CTDP1: variants seen among roughly 807,000 people sequenced by gnomAD.
CTDP1 encodes CTD phosphatase 1.
CTDP1 carries 47 observed loss-of-function variants against 91.8 expected under a neutral mutation model. The ratio of observed to expected loss-of-function variants is 0.51; its 90% CI spans 0.41 to 0.65. The LOEUF is 0.65. Ranked by LOEUF, CTDP1 falls within the 30% of genes least tolerant of loss-of-function variation. The pLI is 0.00. For missense variants in CTDP1, 1,272 were observed against 1,373.7 expected (o/e 0.93, Z 1.17); for synonymous variants, 656 against 598.5 (o/e 1.10, Z -1.40).
intron 1 of CTDP1, among the ~76,000 whole-genome samples, chr18:79,689,058 C>T (rs1271149993): frequency 2.0e-5 from 3 of 152,182 alleles, no homozygotes; most frequent in South Asian, 2.1e-4. Flanking sequence ...AAAACAAAGA[C>T]GTGCTCTTAC....
chr18:79,743,270 A>C (rs2086815046), intron 12 of CTDP1, among the ~76,000 whole-genome samples: 1 of 151,854 alleles, frequency 6.6e-6, no homozygotes, highest in Admixed American at 6.6e-5. Flanking sequence ...TCATGCTTGT[A>C]ATCCCAGCAC....
intron 11 of CTDP1, among the ~76,000 whole-genome samples, chr18:79,732,698 A>C (rs1018789832): frequency 2.6e-5 from 4 of 151,670 alleles, no homozygotes; most frequent in Non-Finnish European, 5.9e-5. Context: ...TTGAGACTTG[A>C]GAACTCGCTG....
intron 5 of CTDP1, among the ~76,000 whole-genome samples, chr18:79,708,318 A>G (rs1390901582): frequency 1.3e-5 from 2 of 152,364 alleles, no homozygotes; most frequent in South Asian, 2.1e-4. Flanking sequence ...TGTATCAAAA[A>G]CAGCAAATGT....
chr18:79,738,695 C>G (rs1290997751), intron 12 of CTDP1, among the ~76,000 whole-genome samples: 1 of 152,244 alleles, frequency 6.6e-6, no homozygotes, highest in Non-Finnish European at 1.5e-5. Context: ...GCAACAGATG[C>G]AGACAAGACA....
chr18:79,676,941 G>A (rs887652694), upstream of CTDP1, among the ~76,000 whole-genome samples: 4 of 152,200 alleles, frequency 2.6e-5, no homozygotes, highest in Non-Finnish European at 5.9e-5. Context: ...CTAATTGGAA[G>A]ACTACATGGC....
At position 79,747,793 on chromosome 18, in the gene CTDP1, C is replaced by T. The variant is rs866241973; in HGVS notation, c.2748-5859C>T. Among the ~76,000 whole-genome samples the T allele has an allele frequency of 5.9e-5, 9 of 152,266 alleles. No homozygotes were observed. The South Asian group carries it at 6.2e-4, about 11-fold the overall frequency. ...CAGCACTGGTCTTCCCTTTTGTTCC[C>T]GCGGCCACGCTGGCAGTGGCCACGG... On this transcript the variant is annotated intron_variant, in intron 12 of 12. Transcript: ENST00000613122.
chr18:79,710,332 T>C lies in CTDP1; in HGVS notation c.773-14T>C. On this transcript the variant is annotated splice_polypyrimidine_tract_variant and intron_variant, in intron 5 of 12. Transcript: ENST00000613122. ...TCTCAGGTATGTAATCTTTGTCCTG[T>C]TTTCTTTTCCAAGGCTTTTTAGACC... 6.2e-7 allele frequency: 1 copy of C among 1,607,694 alleles called. No homozygotes were observed. Among genetic ancestry groups the C allele is most frequent in the Non-Finnish European group, 8.5e-7 (1 of 1,174,308 alleles).
At position 79,697,894 on chromosome 18, in the gene CTDP1, G is replaced by A. The variant is rs1285968096; in HGVS notation, c.527G>A (p.Arg176Gln). Residue 176 changes from arginine (R) to glutamine (Q), a missense_variant, in exon 4 of 13, where the codon CGA (arginine) becomes CAA (glutamine). Arg to Gln is a conservative substitution (Grantham distance 43). Transcript: ENST00000613122. ...CAGCTGGGAAGAGAAGACCAGCAGCGACTGCACCGAAACCGGAAGCTGGTG... is the reference window on the plus strand; with the variant it reads ...CAGCTGGGAAGAGAAGACCAGCAGCAACTGCACCGAAACCGGAAGCTGGTG... ...AEQLGREDQQ[R>Q]LHRNRKLVLM... 50 of 1,614,080 alleles carry A rather than the reference G, an allele frequency of 3.1e-5. No homozygotes were observed. The highest frequency in any genetic ancestry group is 4.0e-5 in the African/African-American group (3 of 74,928).
At chr18:79,698,456 C>G (rs554503904) in intron 4 of CTDP1, among the ~76,000 whole-genome samples, 1 of 152,202 alleles carries the variant, frequency 6.6e-6, no homozygotes, top group Admixed American at 6.5e-5. Flanking sequence ...GGGAGGTGAC[C>G]AGCGTACATT....
chr18:79,715,557 A>G (rs1268486129), intron 8 of CTDP1, 29 bp downstream of exon 8: 3 of 1,534,352 alleles, frequency 2.0e-6, no homozygotes, highest in East Asian at 2.4e-5. Flanking sequence ...TGCCCTGGGC[A>G]TGGTCAGGCC....
chr18:79,692,471 A>G (rs1370421536), intron 1 of CTDP1, among the ~76,000 whole-genome samples: 3 of 152,220 alleles, frequency 2.0e-5, no homozygotes, highest in Non-Finnish European at 4.4e-5. Flanking sequence ...AAATTTCAGA[A>G]GCAACTTGTC....
chr18:79,679,566 G>C, upstream of CTDP1: 2 of 464,936 alleles, frequency 4.3e-6, no homozygotes, highest in South Asian at 3.1e-5. Context: ...ACGTAGTTCC[G>C]AGCGCGCCAA....
chr18:79,696,827 G>GA (rs2085758796), intron 3 of CTDP1, among the ~76,000 whole-genome samples: 2 of 152,198 alleles, frequency 1.3e-5, no homozygotes, highest in Admixed American at 1.3e-4. Flanking sequence ...TCCTGTGCTT[G>GA]AGGCAGACAC....
At chr18:79,723,956 A>G (rs112478815) in intron 10 of CTDP1, among the ~76,000 whole-genome samples, 7 of 152,314 alleles carry the variant, frequency 4.6e-5, no homozygotes, top group East Asian at 1.9e-4. Context: ...GCCGGGTCTC[A>G]TGGTGTGTGG....
At chr18:79,706,981 C>T (rs981227000) in intron 5 of CTDP1, among the ~76,000 whole-genome samples, 5 of 152,376 alleles carry the variant, frequency 3.3e-5, no homozygotes, top group African/African-American at 7.2e-5. Context: ...TTTCTCATTT[C>T]GGATTTCCTT....
In CTDP1 at chr18:79,697,994, T is replaced by C. The variant is rs1599218405; in HGVS notation, c.621+6T>C. On this transcript the variant is annotated splice_donor_region_variant and intron_variant, in intron 4 of 12. Coordinates refer to ENST00000613122, the MANE Select transcript of CTDP1 (RefSeq NM_004715.5). Reference sequence around the variant, plus strand: ...GTCAGCAGATGTCGAATAAAGTGAGTGCAGTCAGCATCTACGGACAGTTTC... The same window carrying C: ...GTCAGCAGATGTCGAATAAAGTGAGCGCAGTCAGCATCTACGGACAGTTTC... The C allele has an allele frequency of 3.1e-6, 5 of 1,614,104 alleles. No individual in the cohort carries two copies. The African/African-American group carries it at 4.0e-5, about 13-fold the overall frequency.
rs1221580888 is a variant in CTDP1, at chr18:79,753,733, C to T, written c.2829C>T (p.Ser943=). The T allele has an allele frequency of 4.3e-6, 7 of 1,614,022 alleles. No homozygotes were observed. In the East Asian group the frequency reaches 6.7e-5, roughly 15 times the overall value. Residue 943 remains serine, a synonymous_variant, in exon 13 of 13, where the codon AGC becomes AGT. Coordinates refer to ENST00000613122, the MANE Select transcript of CTDP1 (RefSeq NM_004715.5). ...RESSNEDEGS[S]SEADEMAKAL... The stretch of plus-strand genomic sequence containing the variant: ...CCAGCAACGAGGATGAGGGCAGCAG[C>T]TCCGAGGCCGACGAGATGGCCAAGG...
At chr18:79,682,839 T>C (rs545188710) in intron 1 of CTDP1, among the ~76,000 whole-genome samples, 1 of 152,322 alleles carries the variant, frequency 6.6e-6, no homozygotes, top group Admixed American at 6.5e-5. Context: ...TGTGATGAAG[T>C]AGAGAATATT....
intron 12 of CTDP1, chr18:79,749,729 C>G (rs113251834): frequency 1.3e-5 from 2 of 152,206 alleles, no homozygotes; most frequent in Non-Finnish European, 2.9e-5. Flanking sequence ...TCGGGACACC[C>G]CTCACGGCAG....
Sources: allele counts gnomAD v4.1 joint callset (sites outside exome capture counted in the v4.1 genomes callset), GRCh38; gene constraint gnomAD v4.1.1; transcripts MANE v1.5; gene names NCBI Gene and HGNC (gene_info 2026-07-23, HGNC 2026-07-21).